The following FUT8 variants were observed in gnomAD, a reference collection of about 807,000 sequenced individuals.
The protein encoded by FUT8 is fucosyltransferase 8.
FUT8 carries 29 observed loss-of-function variants against 71.3 expected under a neutral mutation model. The observed-to-expected ratio is 0.41, with a 90% CI of 0.30 to 0.55. The LOEUF is 0.55. Among genes scored for constraint, FUT8 ranks in the 20% least tolerant of loss-of-function variants. The pLI, the probability that FUT8 is intolerant of heterozygous loss-of-function variation, is 0.34. For synonymous variants in FUT8, 254 were observed against 239.3 expected (o/e 1.06, Z -0.57); for missense variants, 544 against 702.1 (o/e 0.77, Z 2.55).
chr14:65,671,640 G>A (rs1040392997), intron 7 of FUT8, among the ~76,000 whole-genome samples: 2 of 152,146 alleles, frequency 1.3e-5, no homozygotes, highest in Non-Finnish European at 2.9e-5. Context: ...TAGAGGCACA[G>A]AAACTGCCTG....
chr14:65,602,972 T>C (rs1888387701), intron 3 of FUT8, among the ~76,000 whole-genome samples: 1 of 152,028 alleles, frequency 6.6e-6, no homozygotes, highest in Non-Finnish European at 1.5e-5. Context: ...TGCTGACTGT[T>C]CCTTTTGCTG....
At chr14:65,616,130 A>T (rs746640457) in intron 4 of FUT8, 37 bp downstream of exon 4, 1 of 1,603,570 alleles carries the variant, frequency 6.2e-7, no homozygotes, top group South Asian at 1.1e-5. Flanking sequence ...TCCTCAGTAT[A>T]TGGGCTTTAG....
intron 2 of FUT8, among the ~76,000 whole-genome samples, chr14:65,526,917 T>G (rs1288119803): frequency 1.3e-5 from 2 of 152,248 alleles, no homozygotes; most frequent in Non-Finnish European, 2.9e-5. Context: ...TTGTAGAGTT[T>G]CTGCTGAGAG....
intron 2 of FUT8, among the ~76,000 whole-genome samples, chr14:65,527,232 T>A (rs1398829211): frequency 1.3e-5 from 2 of 152,236 alleles, no homozygotes; most frequent in Non-Finnish European, 2.9e-5. Context: ...TTTCACATAG[T>A]CCCATGTTTC....
At chr14:65,664,240 T>C (rs1441660122) in intron 6 of FUT8, among the ~76,000 whole-genome samples, 4 of 152,168 alleles carry the variant, frequency 2.6e-5, no homozygotes, top group Non-Finnish European at 4.4e-5. Flanking sequence ...AATAAACCTT[T>C]GAATCAGTTC....
the FUT8 span, among the ~76,000 whole-genome samples, chr14:65,398,527 A>G: frequency 6.6e-6 from 1 of 152,076 alleles, no homozygotes; most frequent in Non-Finnish European, 1.5e-5. Context: ...CAAGGTCAAG[A>G]GATCAAGACG....
the FUT8 span, among the ~76,000 whole-genome samples, chr14:65,383,265 C>CTTTTTTTTT: frequency 1.8e-4 from 16 of 86,530 alleles, no homozygotes; most frequent in South Asian, 4.6e-4. Flanking sequence ...TTTTTCTTTT[C>CTTTTTTTTT]TTTTTTTTTT....
chr14:65,631,643 T>C (rs1490127740), intron 6 of FUT8, among the ~76,000 whole-genome samples: 3 of 27,604 alleles, frequency 1.1e-4, no homozygotes, highest in African/African-American at 2.4e-4. Context: ...AAAAGGTGAT[T>C]TTTTTTTTTA....
At chr14:65,636,470 G>A (rs915126045) in intron 6 of FUT8, 1 of 152,100 alleles carries the variant, frequency 6.6e-6, no homozygotes, top group Admixed American at 6.5e-5. Flanking sequence ...TCTTTGTGAT[G>A]TAGGCATTTA....
chr14:65,547,500 AAG>A (rs1478820335), intron 2 of FUT8, among the ~76,000 whole-genome samples: 2 of 151,738 alleles, frequency 1.3e-5, no homozygotes, highest in African/African-American at 4.8e-5. Context: ...GGGTGGAAAA[AAG>A]AGAAATTAGA....
chr14:65,362,023 C>T, the FUT8 span, among the ~76,000 whole-genome samples: 1 of 152,234 alleles, frequency 6.6e-6, no homozygotes, highest in Non-Finnish European at 1.5e-5. Context: ...TTCAACAACC[C>T]TCCAGCCTGC....
intron 2 of FUT8, among the ~76,000 whole-genome samples, chr14:65,530,090 T>G (rs1450109568): frequency 6.6e-6 from 1 of 152,220 alleles, no homozygotes; most frequent in Non-Finnish European, 1.5e-5. Context: ...ATATCCTTTT[T>G]TTAAAGAAAA....
Position 65,489,025 on chromosome 14 carries a change from G to T in FUT8, c.-228+33307G>T, listed in dbSNP as rs923570461. ...AAATATATTTGATTAGTTACATGAG[G>T]CTCTCATGGTAAATGTGTCAGATAT... On this transcript the variant is annotated intron_variant, in intron 2 of 10. Transcript: ENST00000673929. The surrounding 1 kb of genome is among the most constrained non-coding windows in gnomAD (Gnocchi z 4.0). Among the ~76,000 whole-genome samples the T allele has an allele frequency of 2.6e-5, 4 of 152,182 alleles. No individual in the cohort carries two copies. Among genetic ancestry groups the T allele is most frequent in the Non-Finnish European group, 5.9e-5 (4 of 68,002 alleles).
chr14:65,653,438 A>G lies in FUT8; in HGVS notation c.598-15805A>G, dbSNP rs564526889. On this transcript the variant is annotated intron_variant, in intron 6 of 10. Coordinates refer to ENST00000673929, the MANE Select transcript of FUT8 (RefSeq NM_001371533.1). ...TAAAGATATGTTTAATAAATGCCTT[A>G]TTTTGAAGAAAAGAAAAGAAATTGA... is the stretch of plus-strand genomic sequence containing the variant. 1.1e-4 allele frequency among the ~76,000 whole-genome samples: 17 copies of G among 152,268 alleles called. No individual in the cohort carries two copies. In the East Asian group the frequency reaches 3.3e-3, roughly 29 times the overall value.
intron 7 of FUT8, among the ~76,000 whole-genome samples, chr14:65,692,799 C>T (rs563634662): frequency 4.7e-5 from 7 of 150,070 alleles, no homozygotes; most frequent in East Asian, 2.0e-4. Context: ...AGGGGGCGGC[C>T]GGGCAGAGAC....
chr14:65,729,034 G>GTTT (rs557668131), intron 9 of FUT8, among the ~76,000 whole-genome samples: 194 of 103,660 alleles, frequency 1.9e-3, no homozygotes, highest in East Asian at 2.6e-3. Context: ...TTGTAAACAT[G>GTTT]TTTTTTTTTT....
Position 65,472,834 on chromosome 14 carries a change from C to T in FUT8, c.-228+17116C>T, listed in dbSNP as rs1463077668. ...TTGTGATATGGTAAAAAACTTAGTT[C>T]ATATAATGAATTTAGTGCTCAAATA... On this transcript the variant is annotated intron_variant, in intron 2 of 10. Coordinates refer to ENST00000673929, the MANE Select transcript of FUT8 (RefSeq NM_001371533.1). The surrounding 1 kb of genome is among the most constrained non-coding windows in gnomAD (Gnocchi z 4.4). 6.6e-6 allele frequency among the ~76,000 whole-genome samples: 1 copy of T among 151,730 alleles called. No individual in the cohort carries two copies. Among genetic ancestry groups the T allele is most frequent in the African/African-American group, 2.4e-5 (1 of 41,306 alleles).
intron 2 of FUT8, among the ~76,000 whole-genome samples, chr14:65,546,250 CTG>C (rs1161954374): frequency 6.6e-6 from 1 of 151,698 alleles, no homozygotes; most frequent in Non-Finnish European, 1.5e-5. Flanking sequence ...CCATCACTAT[CTG>C]TTAGTTTCTT....
At position 65,618,010 on chromosome 14, in the gene FUT8, C is replaced by CATAT. The variant is rs149450437; in HGVS notation, c.482+1678_482+1681dup. On this transcript the variant is annotated intron_variant, in intron 5 of 10. Coordinates refer to ENST00000673929, the MANE Select transcript of FUT8 (RefSeq NM_001371533.1). ...TTTCCAGTGTTTTTAAAAATTAATT[C>CATAT]ATATATATATATATATATATATATA... is the stretch of plus-strand genomic sequence containing the variant. Among the ~76,000 whole-genome samples, 442 of 86,782 alleles carry CATAT rather than the reference C, an allele frequency of 5.1e-3. 5 individuals carry two copies. Among genetic ancestry groups the CATAT allele is most frequent in the Middle Eastern group, 9.8e-3 (1 of 102 alleles). 56.9% of individuals were successfully genotyped at this position (86,782 alleles called of 152,430 possible).
Sources: allele counts gnomAD v4.1 joint callset (sites outside exome capture counted in the v4.1 genomes callset), GRCh38; gene constraint gnomAD v4.1.1; non-coding constraint Gnocchi (gnomAD v3.1); transcripts MANE v1.5; gene names NCBI Gene and HGNC (gene_info 2026-07-23, HGNC 2026-07-21).